Variants in FBXO22 observed in about 807,000 individuals in gnomAD.
FBXO22 encodes the protein F-box only protein 22.
In FBXO22, 13 loss-of-function variants were observed where a neutral mutation model predicts 37.2. The ratio of observed to expected loss-of-function variants is 0.35; its 90% CI spans 0.23 to 0.56. The LOEUF is 0.56. Among genes scored for constraint, FBXO22 ranks in the 20% least tolerant of loss-of-function variants. The pLI, the probability that FBXO22 is intolerant of heterozygous loss-of-function variation, is 0.87. For synonymous variants in FBXO22, 189 were observed against 189.1 expected (o/e 1.00, Z 0.00); for missense variants, 446 against 509.9 (o/e 0.87, Z 1.21).
At chr15:75,922,546 A>G (rs191262777) in intron 5 of FBXO22, among the ~76,000 whole-genome samples, 3 of 152,348 alleles carry the variant, frequency 2.0e-5, no homozygotes, top group Admixed American at 2.0e-4. Flanking sequence ...ATCCCAGAGC[A>G]TGTTGGAGAA....
chr15:75,917,158 C>T, intron 4 of FBXO22, 72 bp from the exon 5 acceptor site: 16 of 1,110,046 alleles, frequency 1.4e-5, no homozygotes, highest in Admixed American at 7.6e-5. Flanking sequence ...TAATGATTAT[C>T]TTAGTGACCT....
chr15:75,916,666 A>G (rs1439305014), intron 4 of FBXO22, among the ~76,000 whole-genome samples: 1 of 152,212 alleles, frequency 6.6e-6, no homozygotes, highest in African/African-American at 2.4e-5. Flanking sequence ...GCATATTACA[A>G]ACATATTTCC....
chr15:75,936,085 CCACAAA>C lies in FBXO22; in HGVS notation c.*2984_*2989del, dbSNP rs2030313846. ...TACAGGCATGAGCCACTGCGCCCAG[CCACAAA>C]TCTGAGAACTTTCTATGCAATCTGC... On this transcript the variant is annotated 3_prime_UTR_variant, in exon 7 of 7. Coordinates refer to ENST00000308275, the MANE Select transcript of FBXO22 (RefSeq NM_147188.3). 2 of 152,156 alleles carry C rather than the reference CCACAAA, an allele frequency of 1.3e-5. No homozygotes were observed. The highest frequency in any genetic ancestry group is 2.9e-5 in the Non-Finnish European group (2 of 68,042). The allele number at this position is 152,156 out of a possible 1,614,324, so 9.4% of individuals were successfully genotyped here.
In FBXO22 at chr15:75,932,784, T is replaced by C; in HGVS notation, c.894T>C (p.Asp298=). The C allele has an allele frequency of 6.2e-7, 1 of 1,614,258 alleles. No homozygotes were observed. The highest frequency in any genetic ancestry group is 8.5e-7 in the Non-Finnish European group (1 of 1,180,044). The change falls in exon 7 of 7, where the codon GAT becomes GAC. Residue 298 remains aspartate, a synonymous_variant. Coordinates refer to ENST00000308275, the MANE Select transcript of FBXO22 (RefSeq NM_147188.3). ...TGCTCCTCAACGAGGACGTCAGTGA[T>C]GAGAAGACTGCTGAGGCTGCGATGC... ...ATVLLNEDVS[D]EKTAEAAMQR...
chr15:75,929,329 T>C (rs1187897781), intron 5 of FBXO22, among the ~76,000 whole-genome samples: 1 of 152,176 alleles, frequency 6.6e-6, no homozygotes, highest in South Asian at 2.1e-4. Context: ...AAAATTTTTT[T>C]TAAAGATCCT....
chr15:75,904,774 T>A, intron 2 of FBXO22, 145 bp downstream of exon 2: 1 of 766,794 alleles, frequency 1.3e-6, no homozygotes, highest in Non-Finnish European at 2.0e-6. Context: ...TTTTAGTGAC[T>A]ACACGGTAAG....
At position 75,934,123 on chromosome 15, in the gene FBXO22, A is replaced by G. The variant is rs1174583824; in HGVS notation, c.*1021A>G. ...ACATTTCCCAGTCTCCTGTGCAGGTATGACTGTGTTCTGGACAATGGAATG... is the reference window on the plus strand; with the variant it reads ...ACATTTCCCAGTCTCCTGTGCAGGTGTGACTGTGTTCTGGACAATGGAATG... On this transcript the variant is annotated 3_prime_UTR_variant, in exon 7 of 7. Transcript: ENST00000308275. The G allele has an allele frequency of 6.6e-6, 1 of 152,374 alleles. No homozygotes were observed. Among genetic ancestry groups the G allele is most frequent in the Non-Finnish European group, 1.5e-5 (1 of 68,166 alleles). The allele number at this position is 152,374 out of a possible 1,614,324, so 9.4% of individuals were successfully genotyped here.
In FBXO22 at chr15:75,933,070, A is replaced by T; in HGVS notation, c.1180A>T (p.Met394Leu). 1 of 1,613,642 alleles carries T rather than the reference A, an allele frequency of 6.2e-7. No homozygotes were observed. The highest frequency in any genetic ancestry group is 8.5e-7 in the Non-Finnish European group (1 of 1,179,704). Residue 394 changes from methionine to leucine, a missense_variant, in exon 7 of 7, where the codon ATG becomes TTG. By Grantham distance (15) the Met-to-Leu change is conservative. Coordinates refer to ENST00000308275, the MANE Select transcript of FBXO22 (RefSeq NM_147188.3). ...DDLFHSYTTI[M>L]ALIHLGSSK ...TCTGTTTCATAGCTATACAACAATA[A>T]TGGCACTCATACATCTGGGGTCATC...
Position 75,932,835 on chromosome 15 carries a change from A to G in FBXO22, c.945A>G (p.Pro315=). ...AMQRLKAANI[P]EHNTIGFMFA... is the part of the protein sequence containing the mutation. ...AGCGCCTCAAAGCGGCCAACATTCC[A>G]GAGCATAACACCATTGGCTTCATGT... Residue 315 remains proline (P), a synonymous_variant, in exon 7 of 7, where the codon CCA becomes CCG. Coordinates refer to ENST00000308275, the MANE Select transcript of FBXO22 (RefSeq NM_147188.3). The G allele has an allele frequency of 6.2e-7, 1 of 1,614,284 alleles. No homozygotes were observed. The highest frequency in any genetic ancestry group is 1.1e-5 in the South Asian group (1 of 91,088).
intron 2 of FBXO22, among the ~76,000 whole-genome samples, chr15:75,905,935 C>A (rs966360995): frequency 1.3e-5 from 2 of 152,208 alleles, no homozygotes; most frequent in Non-Finnish European, 2.9e-5. Flanking sequence ...AATCACTCTT[C>A]TACTGTAATG....
At chr15:75,914,339 A>G (rs1900136349) in intron 4 of FBXO22, 134 bp downstream of exon 4, 1 of 633,802 alleles carries the variant, frequency 1.6e-6, no homozygotes, top group Non-Finnish European at 2.7e-6. Context: ...AGTCATATTT[A>G]CCATGGCATT....
intron 2 of FBXO22, among the ~76,000 whole-genome samples, chr15:75,905,061 G>C (rs1326632615): frequency 6.6e-6 from 1 of 152,122 alleles, no homozygotes; most frequent in Non-Finnish European, 1.5e-5. Flanking sequence ...CTGACCTCGT[G>C]ATCCGCCCGC....
At position 75,904,014 on chromosome 15, in the gene FBXO22, G is replaced by A. The variant is rs1391635873; in HGVS notation, c.51G>A (p.Pro17=). 1.9e-6 allele frequency: 3 copies of A among 1,579,860 alleles called. No homozygotes were observed. Among genetic ancestry groups the A allele is most frequent in the African/African-American group, 2.7e-5 (2 of 74,500 alleles). ...CGECRGSSVD[P]RSTFVLSNLA... is the part of the protein sequence containing the mutation. ...AGTGCCGCGGCTCCTCCGTAGACCC[G>A]CGGAGCACCTTCGTGTTGAGTAACC... The change falls in exon 1 of 7, where the codon CCG becomes CCA. Residue 17 remains proline, a synonymous_variant. Transcript: ENST00000308275.
chr15:75,929,514 GT>G (rs35139316), intron 5 of FBXO22, among the ~76,000 whole-genome samples: 53 of 142,568 alleles, frequency 3.7e-4, no homozygotes, highest in Admixed American at 6.3e-4. Flanking sequence ...GTAAACCAGT[GT>G]TTTTTTTTTT....
intron 5 of FBXO22, among the ~76,000 whole-genome samples, chr15:75,924,101 T>C (rs1225125256): frequency 1.3e-5 from 2 of 152,180 alleles, no homozygotes; most frequent in East Asian, 1.9e-4. Flanking sequence ...ATATTGATTA[T>C]AGACAGTTGG....
chr15:75,912,256 T>G (rs1415821603), intron 2 of FBXO22, among the ~76,000 whole-genome samples: 1 of 152,090 alleles, frequency 6.6e-6, no homozygotes, highest in Non-Finnish European at 1.5e-5. Context: ...TCTGCCAGGT[T>G]TTGGTATCAG....
At chr15:75,916,134 AG>A (rs1488353209) in intron 4 of FBXO22, among the ~76,000 whole-genome samples, 2 of 151,848 alleles carry the variant, frequency 1.3e-5, no homozygotes, top group Non-Finnish European at 2.9e-5. Context: ...AAAAATTAGA[AG>A]ATTCAGATAA....
chr15:75,937,232 G>T lies in FBXO22; in HGVS notation c.*4130G>T, dbSNP rs973778285. 1 of 151,178 alleles carries T rather than the reference G, an allele frequency of 6.6e-6. No individual in the cohort carries two copies. The highest frequency in any genetic ancestry group is 2.4e-5 in the African/African-American group (1 of 41,178). 9.4% of individuals were successfully genotyped at this position (151,178 alleles called of 1,614,324 possible). ...AAACATTAAAAAAAAAAAAGAGGCC[G>T]GGCGTGGTGGCTCACGCCTGTAATT... On this transcript the variant is annotated 3_prime_UTR_variant, in exon 7 of 7. Coordinates refer to ENST00000308275, the MANE Select transcript of FBXO22 (RefSeq NM_147188.3).
chr15:75,918,296 T>G (rs1346159040), intron 5 of FBXO22, among the ~76,000 whole-genome samples: 16 of 152,020 alleles, frequency 1.1e-4, no homozygotes, highest in Middle Eastern at 3.4e-3. Context: ...TGAGACTAGT[T>G]TTTACAACTA....
Sources: allele counts gnomAD v4.1 joint callset (sites outside exome capture counted in the v4.1 genomes callset), GRCh38; gene constraint gnomAD v4.1.1; transcripts MANE v1.5; gene names NCBI Gene and HGNC (gene_info 2026-07-23, HGNC 2026-07-21).